The following CCNY variants were observed in gnomAD, a reference collection of about 807,000 sequenced individuals.
CCNY encodes the protein cyclin-Y.
Under a neutral mutation model 42.8 loss-of-function variants are expected in CCNY, and 19 were observed. The observed-to-expected ratio is 0.44, with a 90% CI of 0.31 to 0.65. The LOEUF (loss-of-function observed/expected upper bound fraction) is 0.65, where lower values mean the gene tolerates loss of function less well. CCNY is among the 30% of genes least tolerant of loss of function. The pLI, the probability that CCNY is intolerant of heterozygous loss-of-function variation, is 0.07. For missense variants in CCNY, 370 were observed against 437.3 expected, an observed-to-expected ratio of 0.85 and a Z score of 1.37; for synonymous variants, 165 against 162.7, an observed-to-expected ratio of 1.01 and a Z score of -0.11.
At chr10:35,414,564 A>G (rs1372704695) in intron 1 of CCNY, among the ~76,000 whole-genome samples, 3 of 152,220 alleles carry the variant, frequency 2.0e-5, no homozygotes, top group African/African-American at 7.2e-5. Flanking sequence ...TCTCGCACTT[A>G]GGAAAGGGGA....
intron 1 of CCNY, among the ~76,000 whole-genome samples, chr10:35,411,315 C>G (rs1837898747): frequency 6.6e-6 from 1 of 151,976 alleles, no homozygotes; most frequent in Non-Finnish European, 1.5e-5. Context: ...GAGTTTGAGA[C>G]CAGCCTGGCC....
At position 35,570,796 on chromosome 10, in the gene CCNY, C is replaced by T. The variant is rs868233427; in HGVS notation, c.*1626C>T. 14 of 152,284 alleles carry T rather than the reference C, an allele frequency of 9.2e-5. No individual in the cohort carries two copies. Among genetic ancestry groups the T allele is most frequent in the South Asian group, 2.1e-4 (1 of 4,822 alleles). The allele number at this position is 152,284 out of a possible 1,614,324, so 9.4% of individuals were successfully genotyped here. ...TGGAAATGGAAGGGACTCAGAAAGT[C>T]GAAATCCCAAGAACTCCAAGCCAAA... On this transcript the variant is annotated 3_prime_UTR_variant, in exon 10 of 10. Transcript: ENST00000374704.
At chr10:35,278,394 C>A (rs1835262852) in intron 3 of CCNY, among the ~76,000 whole-genome samples, 1 of 151,682 alleles carries the variant, frequency 6.6e-6, no homozygotes, top group South Asian at 2.1e-4. Flanking sequence ...GCTGCAGCAC[C>A]CCAGATCTGT....
At chr10:35,478,734 G>A (rs1839582127) in intron 1 of CCNY, among the ~76,000 whole-genome samples, 1 of 152,124 alleles carries the variant, frequency 6.6e-6, no homozygotes, top group East Asian at 1.9e-4. Flanking sequence ...CATGGGCAAG[G>A]ACTTCATGTC....
chr10:35,346,872 C>G lies in CCNY; in HGVS notation c.154+9665C>G, dbSNP rs568520463. Among the ~76,000 whole-genome samples, 291 of 152,354 alleles carry G rather than the reference C, an allele frequency of 1.9e-3. 2 individuals carry two copies. Among genetic ancestry groups the G allele is most frequent in the Non-Finnish European group, 3.3e-3 (224 of 68,036 alleles). On this transcript the variant is annotated intron_variant, in intron 1 of 9. Coordinates refer to ENST00000374704, the MANE Select transcript of CCNY (RefSeq NM_145012.6). The stretch of plus-strand genomic sequence containing the variant: ...GAACTCCTGGGCTCAAGCCATCTGC[C>G]CGCCTCGGCCTTCCAAAGTGCTGGG...
At chr10:35,420,329 C>T (rs1019673797) in intron 1 of CCNY, among the ~76,000 whole-genome samples, 3 of 152,050 alleles carry the variant, frequency 2.0e-5, no homozygotes, top group Non-Finnish European at 2.9e-5. Flanking sequence ...GAGTGGGATC[C>T]GACCCCAGTG....
chr10:35,399,065 A>G (rs1344487449), intron 1 of CCNY, among the ~76,000 whole-genome samples: 1 of 152,264 alleles, frequency 6.6e-6, no homozygotes, highest in African/African-American at 2.4e-5. Context: ...AAGCAAATGT[A>G]CAAATGAACT....
intron 3 of CCNY, among the ~76,000 whole-genome samples, chr10:35,261,243 T>A (rs2095719345): frequency 6.7e-6 from 1 of 150,184 alleles, no homozygotes; most frequent in Admixed American, 6.6e-5. Context: ...AAAAAAATTT[T>A]TTTTTTTTTT....
At chr10:35,359,237 G>A (rs1168759020) in intron 1 of CCNY, among the ~76,000 whole-genome samples, 4 of 152,132 alleles carry the variant, frequency 2.6e-5, no homozygotes, top group East Asian at 1.9e-4. Flanking sequence ...TCTGTGGGTC[G>A]ACAGATGCTG....
chr10:35,413,552 T>A (rs1247262621), intron 1 of CCNY, among the ~76,000 whole-genome samples: 2 of 152,226 alleles, frequency 1.3e-5, no homozygotes, highest in African/African-American at 4.8e-5. Context: ...AGAGTCAGAC[T>A]GTAAAACTTG....
intron 4 of CCNY, 38 bp downstream of exon 4, chr10:35,516,661 CTTTTT>C (rs35268084): frequency 8.0e-3 from 2,617 of 325,286 alleles, no homozygotes; most frequent in East Asian, 0.014. Context: ...TCCTTCCTTC[CTTTTT>C]TTTTTTTTTT....
At chr10:35,345,118 A>G (rs1390626415) in intron 1 of CCNY, among the ~76,000 whole-genome samples, 1 of 152,160 alleles carries the variant, frequency 6.6e-6, no homozygotes, top group Non-Finnish European at 1.5e-5. Flanking sequence ...GCGAAATGGT[A>G]TTTCTAGTTC....
At chr10:35,262,193 C>T (rs749807195) in intron 3 of CCNY, among the ~76,000 whole-genome samples, 2 of 126,878 alleles carry the variant, frequency 1.6e-5, no homozygotes, top group Non-Finnish European at 3.1e-5. Context: ...ACCCAGGAGG[C>T]GGAGGCTGCA....
chr10:35,294,666 A>G (rs1332269257), intron 3 of CCNY, among the ~76,000 whole-genome samples: 1 of 152,070 alleles, frequency 6.6e-6, no homozygotes, highest in Non-Finnish European at 1.5e-5. Context: ...CTTTTCTAGT[A>G]TTTTGTTCAG....
intron 3 of CCNY, among the ~76,000 whole-genome samples, chr10:35,328,831 C>G (rs1195373119): frequency 6.6e-6 from 1 of 152,188 alleles, no homozygotes; most frequent in Non-Finnish European, 1.5e-5. Flanking sequence ...GAGACAATTA[C>G]TGTTTCTGCA....
At chr10:35,565,047 A>G (rs1841541334) in intron 8 of CCNY, among the ~76,000 whole-genome samples, 1 of 152,140 alleles carries the variant, frequency 6.6e-6, no homozygotes, top group Admixed American at 6.5e-5. Flanking sequence ...TGAGTGCATG[A>G]CCCAGGACCA....
chr10:35,567,068 A>G (rs766036708), intron 9 of CCNY, among the ~76,000 whole-genome samples: 6 of 152,188 alleles, frequency 3.9e-5, no homozygotes, highest in Admixed American at 6.5e-5. Flanking sequence ...TAAGAAAATT[A>G]TGTCCCCCCA....
At chr10:35,393,427 G>A (rs1837457056) in intron 1 of CCNY, among the ~76,000 whole-genome samples, 2 of 152,180 alleles carry the variant, frequency 1.3e-5, no homozygotes, top group East Asian at 1.9e-4. Context: ...GTGCAAATTG[G>A]TGGCGTTTAG....
Position 35,481,722 on chromosome 10 carries a change from G to A in CCNY, c.155-1682G>A, listed in dbSNP as rs12264488. 2.3e-3 allele frequency among the ~76,000 whole-genome samples: 349 copies of A among 152,274 alleles called. 3 individuals are homozygous for A. The highest frequency in any genetic ancestry group is 8.0e-3 in the African/African-American group (333 of 41,532). On this transcript the variant is annotated intron_variant, in intron 1 of 9. Transcript: ENST00000374704. ...CTTGGACATTAAAAGCATCCATCCT[G>A]GTTAGGATTTTATATTTGCCCTCAT...
Sources: gnomAD v4.1 joint callset for allele counts (sites outside exome capture counted in the v4.1 genomes callset) on GRCh38, gnomAD v4.1.1 for gene constraint, MANE v1.5 for transcripts, NCBI Gene and HGNC (gene_info 2026-07-23, HGNC 2026-07-21) for gene names.